ANO4: variants seen among roughly 807,000 people sequenced by gnomAD.
ANO4 encodes anoctamin-4.
A neutral mutation model predicts 141.9 loss-of-function variants in ANO4; 69 were observed. The observed-to-expected ratio is 0.49, with a 90% CI of 0.40 to 0.59. The LOEUF is 0.59. Among genes scored for constraint, ANO4 ranks in the 20% least tolerant of loss-of-function variants. The pLI is 0.00. For missense variants in ANO4, 894 were observed against 1,162.2 expected, an observed-to-expected ratio of 0.77 and a Z score of 3.36; for synonymous variants, 350 against 394.3, an observed-to-expected ratio of 0.89 and a Z score of 1.33.
intron 26 of ANO4, among the ~76,000 whole-genome samples, chr12:101,121,156 C>T (rs1328993137): frequency 1.3e-5 from 2 of 151,970 alleles, no homozygotes; most frequent in Non-Finnish European, 2.9e-5. Context: ...GTTTGGGGTG[C>T]GACTGAACCC....
At chr12:100,897,670 A>G (rs546210090) in intron 1 of ANO4, among the ~76,000 whole-genome samples, 1 of 152,388 alleles carries the variant, frequency 6.6e-6, no homozygotes, top group South Asian at 2.1e-4. Flanking sequence ...AGGGCATTAC[A>G]TGATAAGGGC....
intron 17 of ANO4, among the ~76,000 whole-genome samples, chr12:101,093,143 T>C (rs962331047): frequency 5.3e-5 from 8 of 152,140 alleles, no homozygotes; most frequent in Non-Finnish European, 1.0e-4. Context: ...TTTCTAGACA[T>C]AAGATTTGTT....
intron 2 of ANO4, among the ~76,000 whole-genome samples, chr12:100,736,007 G>A (rs2031592623): frequency 6.6e-6 from 1 of 152,194 alleles, no homozygotes; most frequent in Non-Finnish European, 1.5e-5. Context: ...AGCACGGTGA[G>A]GGTAGAAATA....
intron 8 of ANO4, among the ~76,000 whole-genome samples, chr12:100,989,462 A>G (rs961279838): frequency 3.9e-5 from 6 of 152,172 alleles, no homozygotes; most frequent in Non-Finnish European, 7.3e-5. Flanking sequence ...CTACCTGTTT[A>G]TGATAGAGTT....
intron 8 of ANO4, among the ~76,000 whole-genome samples, chr12:100,993,406 G>C (rs893219558): frequency 1.3e-5 from 2 of 152,146 alleles, no homozygotes; most frequent in African/African-American, 2.4e-5. Flanking sequence ...TTTGAGGGCT[G>C]AGGTATTATT....
At chr12:100,998,412 T>TATCTATCTATCTATCTATCCATCC (rs1370047334) in intron 8 of ANO4, among the ~76,000 whole-genome samples, 62 of 150,042 alleles carry the variant, frequency 4.1e-4, no homozygotes, top group African/African-American at 1.5e-3. Context: ...TCTATCTATC[T>TATCTATCTATCTATCTATCCATCC]ATCCATCCTA....
chr12:101,079,427 T>TA (rs2049154860), intron 15 of ANO4, 152 bp downstream of exon 15: 3 of 641,620 alleles, frequency 4.7e-6, no homozygotes, highest in Middle Eastern at 2.5e-4. Flanking sequence ...TCAAGCAGTA[T>TA]AAAAATGGAC....
At chr12:100,969,397 T>G (rs1487609230) in intron 5 of ANO4, among the ~76,000 whole-genome samples, 1 of 152,194 alleles carries the variant, frequency 6.6e-6, no homozygotes, top group Non-Finnish European at 1.5e-5. Context: ...CTCCCACTAC[T>G]GATGGGCCCT....
intron 14 of ANO4, among the ~76,000 whole-genome samples, chr12:101,070,728 A>G (rs1050790431): frequency 6.6e-6 from 1 of 152,218 alleles, no homozygotes; most frequent in African/African-American, 2.4e-5. Context: ...GACAACCCAC[A>G]GAACCCACAG....
chr12:100,922,994 C>T (rs1269997827), intron 3 of ANO4, among the ~76,000 whole-genome samples: 2 of 152,022 alleles, frequency 1.3e-5, no homozygotes, highest in African/African-American at 4.8e-5. Context: ...ATTATCAGAG[C>T]TCTAATTCTA....
intron 2 of ANO4, among the ~76,000 whole-genome samples, chr12:100,737,073 G>A (rs1216900456): frequency 6.6e-6 from 1 of 152,176 alleles, no homozygotes; most frequent in African/African-American, 2.4e-5. Context: ...TTCCCAGAAG[G>A]TGCCAGTGTA....
chr12:101,015,674 T>C (rs995272496), intron 8 of ANO4, among the ~76,000 whole-genome samples: 5 of 152,146 alleles, frequency 3.3e-5, no homozygotes, highest in African/African-American at 1.2e-4. Context: ...GATATATGCG[T>C]AGTTTTGATA....
chr12:101,057,008 C>G (rs2048149985), intron 14 of ANO4, among the ~76,000 whole-genome samples: 1 of 151,224 alleles, frequency 6.6e-6, no homozygotes, highest in African/African-American at 2.4e-5. Context: ...TCCCCGATCC[C>G]CCTATCCCCC....
intron 1 of ANO4, among the ~76,000 whole-genome samples, chr12:100,840,259 C>A (rs1481632827): frequency 1.3e-5 from 2 of 152,104 alleles, no homozygotes; most frequent in African/African-American, 4.8e-5. Flanking sequence ...TTTGATCTTG[C>A]CCAGTTTGAA....
intron 3 of ANO4, among the ~76,000 whole-genome samples, chr12:100,769,926 T>C (rs1054238165): frequency 2.7e-5 from 4 of 148,784 alleles, no homozygotes; most frequent in Non-Finnish European, 4.5e-5. Flanking sequence ...TGATATACTT[T>C]CACATAATTT....
At chr12:101,014,209 T>C (rs2046223427) in intron 8 of ANO4, among the ~76,000 whole-genome samples, 1 of 152,150 alleles carries the variant, frequency 6.6e-6, no homozygotes. Flanking sequence ...TCACAGCATT[T>C]TACAACACTA....
intron 24 of ANO4, among the ~76,000 whole-genome samples, chr12:101,113,237 G>A (rs867496264): frequency 3.2e-4 from 48 of 152,110 alleles, no homozygotes; most frequent in Middle Eastern, 3.2e-3. Context: ...ATTTTCCGTC[G>A]TAATGGTGTT....
intron 14 of ANO4, among the ~76,000 whole-genome samples, chr12:101,062,426 G>T (rs940263997): frequency 1.3e-5 from 2 of 152,216 alleles, no homozygotes; most frequent in Admixed American, 1.3e-4. Flanking sequence ...TGGGAGATCT[G>T]CTGCTCTCTT....
intron 7 of ANO4, among the ~76,000 whole-genome samples, chr12:100,980,907 C>G (rs1176768318): frequency 6.6e-6 from 1 of 151,186 alleles, no homozygotes; most frequent in East Asian, 1.9e-4. Context: ...TTTTTGCCTT[C>G]ATAAAATATT....
Sources: gnomAD v4.1 joint callset for allele counts (sites outside exome capture counted in the v4.1 genomes callset) on GRCh38, gnomAD v4.1.1 for gene constraint, MANE v1.5 for transcripts, NCBI Gene and HGNC (gene_info 2026-07-23, HGNC 2026-07-21) for gene names.